The following ARPP21 variants were observed in gnomAD, a reference collection of about 807,000 sequenced individuals.
The protein encoded by ARPP21 is cAMP regulated phosphoprotein 21.
In ARPP21, 69 loss-of-function variants were observed where a neutral mutation model predicts 113.2. That is an observed-to-expected ratio of 0.61 (90% CI 0.50 to 0.74). The LOEUF (loss-of-function observed/expected upper bound fraction) is 0.74, where lower values mean the gene tolerates loss of function less well. ARPP21 is among the 30% of genes least tolerant of loss of function. ARPP21 has a pLI of 0.00. For missense variants in ARPP21, 1,070 were observed against 1,037.4 expected, an observed-to-expected ratio of 1.03 and a Z score of -0.43; for synonymous variants, 368 against 375.5, an observed-to-expected ratio of 0.98 and a Z score of 0.23.
chr3:35,703,020 G>A (rs954807297), intron 9 of ARPP21, among the ~76,000 whole-genome samples: 3 of 151,608 alleles, frequency 2.0e-5, no homozygotes, highest in African/African-American at 7.3e-5. Flanking sequence ...TATGAGATAC[G>A]TATACATATT....
intron 1 of ARPP21, among the ~76,000 whole-genome samples, chr3:35,675,342 A>T (rs2077219327): frequency 6.6e-6 from 1 of 151,838 alleles, no homozygotes; most frequent in Non-Finnish European, 1.5e-5. Context: ...AACTGAAACT[A>T]ACCTTGATGC....
chr3:35,772,275 A>T (rs2151536623), intron 19 of ARPP21, among the ~76,000 whole-genome samples: 1 of 152,328 alleles, frequency 6.6e-6, no homozygotes, highest in East Asian at 1.9e-4. Context: ...GAGCTGAAAA[A>T]AATTGTGTCA....
intron 18 of ARPP21, among the ~76,000 whole-genome samples, chr3:35,743,398 G>A (rs1403061732): frequency 1.3e-5 from 2 of 152,206 alleles, no homozygotes; most frequent in African/African-American, 4.8e-5. Flanking sequence ...TGCTCCATAT[G>A]GCTGGGGTGG....
chr3:35,640,558 T>G (rs994868844), intron 1 of ARPP21, among the ~76,000 whole-genome samples, 160 bp downstream of exon 1: 1 of 152,172 alleles, frequency 6.6e-6, no homozygotes, highest in Non-Finnish European at 1.5e-5. Flanking sequence ...TATACATGTA[T>G]TGTGTTTTTT....
intron 19 of ARPP21, among the ~76,000 whole-genome samples, chr3:35,753,232 A>G (rs1290749012): frequency 6.6e-6 from 1 of 151,970 alleles, no homozygotes; most frequent in African/African-American, 2.4e-5. Context: ...TCAAATATAA[A>G]TAAGAGCAAA....
chr3:35,691,284 A>G (rs2082161874), intron 9 of ARPP21, among the ~76,000 whole-genome samples: 1 of 151,710 alleles, frequency 6.6e-6, no homozygotes, highest in South Asian at 2.1e-4. Context: ...ATGAAATTAC[A>G]TACAAAGCTG....
In ARPP21 at chr3:35,794,024, G is replaced by A. The variant is rs2096796585; in HGVS notation, c.*66G>A. ...GCCTTTGATGGAAGAGGAACAAGGTGGGAAAACTGGCTGAGGACTTAAGTA... is the reference window on the plus strand; with the variant it reads ...GCCTTTGATGGAAGAGGAACAAGGTAGGAAAACTGGCTGAGGACTTAAGTA... On this transcript the variant is annotated 3_prime_UTR_variant, in exon 21 of 21. Transcript: ENST00000684406. 6.2e-6 allele frequency: 9 copies of A among 1,446,838 alleles called. No homozygotes were observed. The highest frequency in any genetic ancestry group is 7.6e-6 in the Non-Finnish European group (8 of 1,056,008). 89.6% of individuals were successfully genotyped at this position (1,446,838 alleles called of 1,614,324 possible).
chr3:35,735,568 A>G (rs910996617), intron 15 of ARPP21, among the ~76,000 whole-genome samples: 1 of 152,254 alleles, frequency 6.6e-6, no homozygotes, highest in African/African-American at 2.4e-5. Context: ...ATGTATCAGA[A>G]CAATGTATGG....
intron 11 of ARPP21, among the ~76,000 whole-genome samples, chr3:35,711,208 C>A (rs549178306): frequency 6.6e-6 from 1 of 152,198 alleles, no homozygotes; most frequent in East Asian, 1.9e-4. Flanking sequence ...AACTTGATAT[C>A]CTAGGGCAGC....
At chr3:35,705,973 T>C (rs77762035) in intron 9 of ARPP21, among the ~76,000 whole-genome samples, 1 of 152,322 alleles carries the variant, frequency 6.6e-6, no homozygotes, top group East Asian at 1.9e-4. Context: ...GAGCAAATGA[T>C]AAGTTTCTCT....
At chr3:35,773,872 G>A (rs2096277098) in intron 19 of ARPP21, among the ~76,000 whole-genome samples, 1 of 152,114 alleles carries the variant, frequency 6.6e-6, no homozygotes, top group African/African-American at 2.4e-5. Flanking sequence ...ATGGGCACTT[G>A]TAGCTTTGTG....
chr3:35,649,740 G>T (rs964549035), intron 1 of ARPP21, among the ~76,000 whole-genome samples: 2 of 152,082 alleles, frequency 1.3e-5, no homozygotes, highest in African/African-American at 4.8e-5. Flanking sequence ...AGCAGAACAG[G>T]TGCCACCAAG....
At chr3:35,773,115 G>A (rs1376716726) in intron 19 of ARPP21, among the ~76,000 whole-genome samples, 1 of 152,098 alleles carries the variant, frequency 6.6e-6, no homozygotes, top group African/African-American at 2.4e-5. Context: ...ATCATCTTAA[G>A]GATAAAACAT....
rs2094471492 is a variant in ARPP21 at position 35,738,224 on chromosome 3, G to A, written c.1655G>A (p.Gly552Glu). ...AGPLVTQSVQGLQASSQSVQY... is the reference protein window; with the variant it reads ...AGPLVTQSVQELQASSQSVQY... ...TTTTCTTTCCTCCAGTCTGTCCAGGGGCTGCAGGCTTCCTCCCAGTCAGTG... is the reference window on the plus strand; with the variant it reads ...TTTTCTTTCCTCCAGTCTGTCCAGGAGCTGCAGGCTTCCTCCCAGTCAGTG... Residue 552 changes from glycine (G) to glutamate (E), a missense_variant, in exon 17 of 21, where the codon GGG becomes GAG. Gly to Glu is a moderately conservative substitution (Grantham distance 98, BLOSUM62 -2). Transcript: ENST00000684406. 3.3e-6 allele frequency: 5 copies of A among 1,534,944 alleles called. No individual in the cohort carries two copies. In the East Asian group the frequency reaches 7.3e-5, roughly 23 times the overall value.
At chr3:35,645,085 C>T (rs1257523979) in intron 1 of ARPP21, among the ~76,000 whole-genome samples, 1 of 151,830 alleles carries the variant, frequency 6.6e-6, no homozygotes, top group Non-Finnish European at 1.5e-5. Context: ...TAAATTCATA[C>T]ATTTTAAAAG....
chr3:35,763,425 C>T (rs1333426122), intron 19 of ARPP21, among the ~76,000 whole-genome samples: 6 of 152,070 alleles, frequency 3.9e-5, no homozygotes, highest in Non-Finnish European at 7.4e-5. Context: ...TTTTAAAAGT[C>T]TTGATATGTG....
intron 19 of ARPP21, among the ~76,000 whole-genome samples, chr3:35,759,719 A>C (rs1247916271): frequency 7.4e-6 from 1 of 134,714 alleles, no homozygotes. Flanking sequence ...TGACTTAAAC[A>C]ACTGAAATTT....
intron 16 of ARPP21, 111 bp from the exon 17 acceptor site, chr3:35,738,103 T>G: frequency 1.5e-6 from 1 of 661,354 alleles, no homozygotes; most frequent in South Asian, 1.9e-5. Flanking sequence ...CTAGTTCCCC[T>G]CTCTGGAGTG....
chr3:35,721,789 G>A lies in ARPP21; in HGVS notation c.1180G>A (p.Asp394Asn). The A allele has an allele frequency of 6.2e-7, 1 of 1,613,032 alleles. No individual in the cohort carries two copies. Among genetic ancestry groups the A allele is most frequent in the Non-Finnish European group, 8.5e-7 (1 of 1,179,508 alleles). ...FGGITVLTRG[D>N]STSSTRSTGK... ...GGGCATCACGGTGCTGACCAGGGGTGACAGCACTTCCAGTACTAGGAGTAC... is the reference window on the plus strand; with the variant it reads ...GGGCATCACGGTGCTGACCAGGGGTAACAGCACTTCCAGTACTAGGAGTAC... Residue 394 changes from aspartate (D) to asparagine (N), a missense_variant, in exon 14 of 21, where the codon GAC becomes AAC. By Grantham distance (23) the Asp-to-Asn change is conservative (BLOSUM62 1). Coordinates refer to ENST00000684406, the MANE Select transcript of ARPP21 (RefSeq NM_001385562.1).
Sources: allele counts gnomAD v4.1 joint callset (sites outside exome capture counted in the v4.1 genomes callset), GRCh38; gene constraint gnomAD v4.1.1; transcripts MANE v1.5; gene names NCBI Gene and HGNC (gene_info 2026-07-23, HGNC 2026-07-21).